The following MTA3 variants were observed in gnomAD, a reference collection of about 807,000 sequenced individuals.
MTA3 encodes the protein metastasis associated 1 family member 3, also known as metastasis-associated protein MTA3.
In MTA3, 34 loss-of-function variants were observed where a neutral mutation model predicts 83.5. The ratio of observed to expected loss-of-function variants is 0.41; its 90% CI spans 0.31 to 0.54. The LOEUF is 0.54. Ranked by LOEUF, MTA3 falls within the 20% of genes least tolerant of loss-of-function variation. The pLI is 0.33. For missense variants in MTA3, 761 were observed against 726.4 expected (o/e 1.05, Z -0.55); for synonymous variants, 303 against 252.7 (o/e 1.20, Z -1.89).
intron 16 of MTA3, among the ~76,000 whole-genome samples, chr2:42,736,641 T>C (rs917367735): frequency 6.6e-6 from 1 of 152,062 alleles, no homozygotes; most frequent in Admixed American, 6.5e-5. Flanking sequence ...GGTACCCAAG[T>C]TGTAAGACAA....
At chr2:42,615,711 CTTTT>C (rs35331224) in intron 4 of MTA3, among the ~76,000 whole-genome samples, 3 of 59,794 alleles carry the variant, frequency 5.0e-5, no homozygotes, top group African/African-American at 6.8e-5. Flanking sequence ...ATAATCTCTT[CTTTT>C]TTTTTTTTTT....
chr2:42,728,718 A>G (rs1667998343), intron 16 of MTA3, among the ~76,000 whole-genome samples: 1 of 152,138 alleles, frequency 6.6e-6, no homozygotes, highest in Non-Finnish European at 1.5e-5. Context: ...TTGGTGTTGA[A>G]CACCTTTCCA....
chr2:42,755,304 A>T lies in MTA3; in HGVS notation c.*1905A>T. ...GTGGTGACTGCAGATTCTGGAAACA[A>T]TTAGCTGCCCGTGACTCAGCTGCCA... On this transcript the variant is annotated 3_prime_UTR_variant, in exon 17 of 17. Coordinates refer to ENST00000405094, the MANE Select transcript of MTA3 (RefSeq NM_001330442.2). The T allele has an allele frequency of 1.0e-6, 1 of 985,422 alleles. No homozygotes were observed. 61.0% of individuals were successfully genotyped at this position (985,422 alleles called of 1,614,324 possible).
Position 42,633,904 on chromosome 2 carries a change from A to G in MTA3, c.318-6269A>G, listed in dbSNP as rs949134335. Among the ~76,000 whole-genome samples the G allele has an allele frequency of 5.9e-5, 9 of 151,672 alleles. No homozygotes were observed. In the South Asian group the frequency reaches 6.2e-4, roughly 11 times the overall value. ...ACTCTGTCTCAAAAAAAAAAAAAAC[A>G]TATTCTTTCACTTAATATATGCAAT... is the stretch of plus-strand genomic sequence containing the variant. On this transcript the variant is annotated intron_variant, in intron 4 of 16. Transcript: ENST00000405094.
intron 4 of MTA3, among the ~76,000 whole-genome samples, chr2:42,629,358 C>T (rs1256547142): frequency 6.6e-6 from 1 of 152,120 alleles, no homozygotes; most frequent in Non-Finnish European, 1.5e-5. Flanking sequence ...GGATTACAGG[C>T]GTGATCCACC....
At chr2:42,611,230 G>A (rs1004837234) in intron 4 of MTA3, among the ~76,000 whole-genome samples, 3 of 151,630 alleles carry the variant, frequency 2.0e-5, no homozygotes, top group Non-Finnish European at 4.4e-5. Context: ...TGATCCACCC[G>A]CCTCAGCCTT....
intron 15 of MTA3, 83 bp from the exon 16 acceptor site, chr2:42,722,806 G>A: frequency 6.9e-7 from 1 of 1,455,064 alleles, no homozygotes; most frequent in Non-Finnish European, 9.3e-7. Context: ...TAAGAAATAA[G>A]ATGTGTGCCT....
intron 6 of MTA3, among the ~76,000 whole-genome samples, chr2:42,650,964 A>G (rs1688660362): frequency 6.6e-6 from 1 of 152,190 alleles, no homozygotes; most frequent in African/African-American, 2.4e-5. Flanking sequence ...CTGTGCCAAC[A>G]TCATAGAGCG....
At chr2:42,533,455 G>A (rs1676072107) in intron 2 of MTA3, 1 of 151,652 alleles carries the variant, frequency 6.6e-6, no homozygotes, top group African/African-American at 2.4e-5. Flanking sequence ...CGAGTTACTG[G>A]AAGATGGCGG....
chr2:42,750,600 C>T (rs1669798434), intron 16 of MTA3, among the ~76,000 whole-genome samples: 1 of 152,140 alleles, frequency 6.6e-6, no homozygotes. Context: ...GTCAGATTCC[C>T]CAGAGAAGTT....
At chr2:42,695,160 G>A (rs1693265832) in intron 9 of MTA3, among the ~76,000 whole-genome samples, 1 of 151,856 alleles carries the variant, frequency 6.6e-6, no homozygotes, top group African/African-American at 2.4e-5. Context: ...TATCAGTTAT[G>A]ATGTTTATAA....
intron 16 of MTA3, among the ~76,000 whole-genome samples, chr2:42,730,421 A>T (rs1445099082): frequency 1.3e-5 from 2 of 152,160 alleles, no homozygotes; most frequent in Non-Finnish European, 2.9e-5. Context: ...GATTTTTATC[A>T]TGAGGGGATG....
intron 16 of MTA3, among the ~76,000 whole-genome samples, chr2:42,726,902 A>G (rs1667863504): frequency 6.6e-6 from 1 of 152,200 alleles, no homozygotes; most frequent in South Asian, 2.1e-4. Flanking sequence ...AAGATGAAAG[A>G]TGTATACATA....
At chr2:42,569,125 C>T (rs984805702) in intron 1 of MTA3, among the ~76,000 whole-genome samples, 1 of 151,518 alleles carries the variant, frequency 6.6e-6, no homozygotes, top group Admixed American at 6.6e-5. Flanking sequence ...TGCGTGGCTT[C>T]TAGGCGCTGG....
At chr2:42,507,676 C>T (rs1253006537) in intron 2 of MTA3, among the ~76,000 whole-genome samples, 2 of 150,724 alleles carry the variant, frequency 1.3e-5, no homozygotes, top group Admixed American at 6.6e-5. Flanking sequence ...CACCTGTAAT[C>T]CCAACACTTC....
intron 8 of MTA3, among the ~76,000 whole-genome samples, chr2:42,666,434 A>C (rs922315372): frequency 6.6e-6 from 1 of 152,198 alleles, no homozygotes; most frequent in Non-Finnish European, 1.5e-5. Flanking sequence ...GCCTCTGTCT[A>C]TAGCCCCTTT....
chr2:42,560,961 TAA>T (rs941743710), intron 2 of MTA3, among the ~76,000 whole-genome samples: 2 of 152,146 alleles, frequency 1.3e-5, no homozygotes, highest in Non-Finnish European at 2.9e-5. Context: ...TAAAAACTTC[TAA>T]AGGCTTCCCA....
intron 2 of MTA3, among the ~76,000 whole-genome samples, chr2:42,496,658 C>T (rs1429702215): frequency 3.3e-5 from 5 of 151,058 alleles, no homozygotes; most frequent in Admixed American, 1.3e-4. Flanking sequence ...TCCTCCCCTC[C>T]GAAGTTACAA....
intron 2 of MTA3, among the ~76,000 whole-genome samples, chr2:42,510,785 G>T (rs183085624): frequency 6.6e-6 from 1 of 152,248 alleles, no homozygotes; most frequent in Non-Finnish European, 1.5e-5. Flanking sequence ...GGAAGGAAGT[G>T]GGAGAGCCAG....
Sources: gnomAD v4.1 joint callset for allele counts (sites outside exome capture counted in the v4.1 genomes callset) on GRCh38, gnomAD v4.1.1 for gene constraint, MANE v1.5 for transcripts, NCBI Gene and HGNC (gene_info 2026-07-23, HGNC 2026-07-21) for gene names.